The following ADAMTS10 variants were observed in gnomAD, a reference collection of about 807,000 sequenced individuals.
The protein encoded by ADAMTS10 is ADAM metallopeptidase with thrombospondin type 1 motif 10.
Under a neutral mutation model 135.9 loss-of-function variants are expected in ADAMTS10, and 48 were observed. The observed-to-expected ratio is 0.35, with a 90% CI of 0.28 to 0.45. The LOEUF is 0.45. Ranked by LOEUF, ADAMTS10 falls within the 20% of genes least tolerant of loss-of-function variation. ADAMTS10 has a pLI of 1.00. For synonymous variants in ADAMTS10, 621 were observed against 647.5 expected, an observed-to-expected ratio of 0.96 and a Z score of 0.62; for missense variants, 1,131 against 1,565.2, an observed-to-expected ratio of 0.72 and a Z score of 4.68.
At chr19:8,585,995 A>G in intron 22 of ADAMTS10, 127 bp downstream of exon 22, 1 of 1,488,532 alleles carries the variant, frequency 6.7e-7, no homozygotes, top group Non-Finnish European at 9.2e-7. Context: ...CCATCACTGC[A>G]GCACTCGGCC....
At chr19:8,600,491 CTTTCT>C (rs1568404103) in intron 6 of ADAMTS10, among the ~76,000 whole-genome samples, 2 of 140,388 alleles carry the variant, frequency 1.4e-5, no homozygotes, top group African/African-American at 5.6e-5. Context: ...CTTTTCTTTT[CTTTCT>C]TTTCTTTTTT....
chr19:8,590,141 T>C (rs1415919479), intron 15 of ADAMTS10, 150 bp from the exon 16 acceptor site: 35 of 656,376 alleles, frequency 5.3e-5, no homozygotes, highest in Non-Finnish European at 7.7e-5. Flanking sequence ...AGACTAGGCC[T>C]GGAAGGTAGC....
chr19:8,605,727 C>CATGTCTCT lies in ADAMTS10; in HGVS notation c.-25_-18dup. The stretch of plus-strand genomic sequence containing the variant: ...GGGAGCCATAGAGGCCACGTGTCCA[C>CATGTCTCT]ATGTCTCTCCCCAGCCCCGGCTGCC... On this transcript the variant is annotated 5_prime_UTR_variant, in exon 3 of 26. It adds an upstream start codon to the 5' untranslated region. Transcript: ENST00000597188. This position sits in a 1 kb window ranked among gnomAD's most constrained non-coding sequence, Gnocchi z 7.7. The CATGTCTCT allele has an allele frequency of 1.3e-6, 2 of 1,597,840 alleles. No homozygotes were observed. The highest frequency in any genetic ancestry group is 4.5e-5 in the East Asian group (2 of 44,302).
intron 6 of ADAMTS10, among the ~76,000 whole-genome samples, chr19:8,599,393 C>T (rs1314926336): frequency 5.3e-5 from 8 of 151,788 alleles, no homozygotes; most frequent in South Asian, 2.1e-4. Context: ...TGCAATGGTG[C>T]GATCTTGGCT....
chr19:8,583,064 A>G (rs7253583), intron 25 of ADAMTS10, among the ~76,000 whole-genome samples: 33,293 of 151,202 alleles, frequency 0.22, 3,719 homozygotes, highest in Middle Eastern at 0.24. Context: ...GATTACAGGC[A>G]TGAGCCACCT....
chr19:8,603,980 A>G, intron 4 of ADAMTS10, 96 bp from the exon 5 acceptor site: 2 of 1,290,298 alleles, frequency 1.6e-6, no homozygotes, highest in Non-Finnish European at 2.1e-6. Context: ...TTTCATTCTT[A>G]TCAGGTTTAT....
chr19:8,580,507 G>A lies in ADAMTS10; in HGVS notation c.*386C>T. On this transcript the variant is annotated 3_prime_UTR_variant, in exon 26 of 26. Coordinates refer to ENST00000597188, the MANE Select transcript of ADAMTS10 (RefSeq NM_030957.4). ...GTGGAGGGGTAGGGCAGTGCTGGGGGGCAGGGCACCGGCAGACCACCTCCC... is the reference window on the plus strand; with the variant it reads ...GTGGAGGGGTAGGGCAGTGCTGGGGAGCAGGGCACCGGCAGACCACCTCCC... 1 of 203,404 alleles carries A rather than the reference G, an allele frequency of 4.9e-6. No individual in the cohort carries two copies. The highest frequency in any genetic ancestry group is 1.5e-4 in the East Asian group (1 of 6,772). The allele number at this position is 203,404 out of a possible 1,614,324, so 12.6% of individuals were successfully genotyped here. A position where few individuals can be genotyped will look rare whatever the true frequency, so the allele number is the denominator to read the frequency against.
chr19:8,586,983 C>T lies in ADAMTS10; in HGVS notation c.2159-87G>A, dbSNP rs560784464. ...TGTCCCCGGCCCATGAGGATAACAGCTAACTATTACTGCGCTAAACACACA... is the reference window on the plus strand; with the variant it reads ...TGTCCCCGGCCCATGAGGATAACAGTTAACTATTACTGCGCTAAACACACA... On this transcript the variant is annotated intron_variant, in intron 18 of 25. Transcript: ENST00000597188. The T allele has an allele frequency of 2.2e-5, 29 of 1,344,140 alleles. No individual in the cohort carries two copies. In the African/African-American group the frequency reaches 3.9e-4, roughly 18 times the overall value. The allele number at this position is 1,344,140 out of a possible 1,614,324, so 83.3% of individuals were successfully genotyped here.
In ADAMTS10 at chr19:8,589,301, C is replaced by T; in HGVS notation, c.2099G>A (p.Gly700Asp). The T allele has an allele frequency of 6.2e-7, 1 of 1,612,706 alleles. No homozygotes were observed. Residue 700 changes from glycine (G) to aspartate (D), a missense_variant, in exon 18 of 26, where the codon GGT becomes GAT. Around this residue, in one of 3 missense-constraint regions of ADAMTS10, gnomAD observed 745 missense variants for 1,056.3 expected, o/e 0.71. Coordinates refer to ENST00000597188, the MANE Select transcript of ADAMTS10 (RefSeq NM_030957.4). ...LREDKCRVCG[G>D]DGSACETIEG... ...GATGGTCTCGCAGGCACTGCCGTCA[C>T]CGCCACACACTCGGCACTTGTCCTC...
Position 8,591,981 on chromosome 19 carries a change from A to G in ADAMTS10, c.1710T>C (p.Ser570=), listed in dbSNP as rs782790744. 60 of 1,613,312 alleles carry G rather than the reference A, an allele frequency of 3.7e-5. No homozygotes were observed. Among genetic ancestry groups the G allele is most frequent in the Non-Finnish European group, 5.0e-5 (59 of 1,179,792 alleles). ...SRTCGGGVSS[S]SRHCDSPRPT... ...ACCTGGGGCTGTCGCAGTGACGGCT[A>G]GAAGAGGACACGCCGCCGCCACAGG... The change falls in exon 14 of 26, where the codon TCT becomes TCC. Residue 570 remains serine (S), a synonymous_variant. Coordinates refer to ENST00000597188, the MANE Select transcript of ADAMTS10 (RefSeq NM_030957.4).
intron 12 of ADAMTS10, 149 bp from the exon 13 acceptor site, chr19:8,593,019 G>A (rs2042562044): frequency 4.1e-6 from 3 of 723,414 alleles, no homozygotes; most frequent in East Asian, 2.7e-5. Context: ...GTGGGTCTTC[G>A]TGCATCCCCT....
intron 5 of ADAMTS10, among the ~76,000 whole-genome samples, chr19:8,603,435 C>A: frequency 6.6e-6 from 1 of 152,116 alleles, no homozygotes; most frequent in East Asian, 1.9e-4. Flanking sequence ...CCACCACGCC[C>A]AGCTAATTTT....
intron 4 of ADAMTS10, 171 bp downstream of exon 4, chr19:8,604,841 A>C: frequency 1.4e-6 from 1 of 736,526 alleles, no homozygotes; most frequent in Non-Finnish European, 2.2e-6. Flanking sequence ...ACCTAAGGCT[A>C]TACATTTTCC....
intron 12 of ADAMTS10, 60 bp downstream of exon 12, chr19:8,595,702 T>TC: frequency 5.6e-6 from 5 of 894,222 alleles, no homozygotes; most frequent in Non-Finnish European, 6.7e-6. Context: ...TGGAGTTCCC[T>TC]CCCCCAGCCC....
rs782520560 is a variant in ADAMTS10 at position 8,586,456 on chromosome 19, G to T, written c.2418C>A (p.Thr806=). The part of the protein sequence containing the change: ...ASLIVMVLAR[T]ELPALRYRFN... The stretch of plus-strand genomic sequence containing the variant: ...AGCGGTAGCGGAGGGCAGGCAGCTC[G>T]GTCCGGGCCAGCACCTGGAGAAAGG... Residue 806 remains threonine (T), a synonymous_variant, in exon 21 of 26, where the codon ACC becomes ACA. Coordinates refer to ENST00000597188, the MANE Select transcript of ADAMTS10 (RefSeq NM_030957.4). 1.6e-5 allele frequency: 26 copies of T among 1,613,748 alleles called. No individual in the cohort carries two copies. The highest frequency in any genetic ancestry group is 2.2e-5 in the Non-Finnish European group (26 of 1,179,992).
chr19:8,596,915 G>C lies in ADAMTS10; in HGVS notation c.1040+72C>G. On this transcript the variant is annotated intron_variant, in intron 8 of 25. Transcript: ENST00000597188. The surrounding 1 kb of genome is among the most constrained non-coding windows in gnomAD (Gnocchi z 7.2). ...CCTGACCCTAGCAGAAGTGATCTCT[G>C]TTTGGACTCTCATGGTTCCCTGGAC... 6.3e-7 allele frequency: 1 copy of C among 1,598,998 alleles called. No individual in the cohort carries two copies. The highest frequency in any genetic ancestry group is 8.5e-7 in the Non-Finnish European group (1 of 1,177,144).
rs922785701 is a variant in ADAMTS10 at position 8,580,508 on chromosome 19, G to A, written c.*385C>T. On this transcript the variant is annotated 3_prime_UTR_variant, in exon 26 of 26. Transcript: ENST00000597188. ...TGGAGGGGTAGGGCAGTGCTGGGGG[G>A]CAGGGCACCGGCAGACCACCTCCCC... 3.5e-5 allele frequency: 7 copies of A among 202,500 alleles called. No homozygotes were observed. The South Asian group carries it at 4.6e-4, about 13-fold the overall frequency. The allele number at this position is 202,500 out of a possible 1,614,324, so 12.5% of individuals were successfully genotyped here.
Position 8,597,233 on chromosome 19 carries a change from C to T in ADAMTS10, c.894+1G>A. 1 of 1,614,130 alleles carries T rather than the reference C, an allele frequency of 6.2e-7. No homozygotes were observed. The highest frequency in any genetic ancestry group is 8.5e-7 in the Non-Finnish European group (1 of 1,180,042). The stretch of plus-strand genomic sequence containing the variant: ...GGGGAAGGGGAGGAAGTCCCCCGCA[C>T]CTGGTCCTCCGTGAGCAGGATGAGG... On this transcript the variant is annotated splice_donor_variant, in intron 7 of 25. Transcript: ENST00000597188. LOFTEE classifies it high-confidence loss of function.
In ADAMTS10 at chr19:8,592,088, C is replaced by T. The variant is rs369734660; in HGVS notation, c.1603G>A (p.Val535Ile). ...GGGCGCGACCCAAAGGGGACACAGA[C>T]CCGTTTGTAGCACCACTGGGTGGGG... is the stretch of plus-strand genomic sequence containing the variant. ...TIDKGWCYKRVCVPFGSRPEG... is the reference protein window; with the variant it reads ...TIDKGWCYKRICVPFGSRPEG... Residue 535 changes from valine (V) to isoleucine (I), a missense_variant, in exon 14 of 26, where the codon GTC becomes ATC. Physicochemically the swap from Val to Ile is conservative, Grantham distance 29. Coordinates refer to ENST00000597188, the MANE Select transcript of ADAMTS10 (RefSeq NM_030957.4). The T allele has an allele frequency of 3.6e-5, 58 of 1,613,636 alleles. No homozygotes were observed. The highest frequency in any genetic ancestry group is 4.9e-5 in the Non-Finnish European group (58 of 1,179,998).
Sources: allele counts gnomAD v4.1 joint callset (sites outside exome capture counted in the v4.1 genomes callset), GRCh38; gene constraint gnomAD v4.1.1; regional missense constraint gnomAD v4.1.1; non-coding constraint Gnocchi (gnomAD v3.1); transcripts MANE v1.5; gene names NCBI Gene and HGNC (gene_info 2026-07-23, HGNC 2026-07-21).